Variants in NCKAP5 observed in about 807,000 individuals in gnomAD.
NCKAP5 encodes the protein NCK associated protein 5.
A neutral mutation model predicts 167.0 loss-of-function variants in NCKAP5; 92 were observed. The ratio of observed to expected loss-of-function variants is 0.55; its 90% CI spans 0.47 to 0.66. The LOEUF is 0.66. Among genes scored for constraint, NCKAP5 ranks in the 30% least tolerant of loss-of-function variants. NCKAP5 has a pLI of 0.00. For missense variants in NCKAP5, 2,378 were observed against 2,315.0 expected (o/e 1.03, Z -0.56); for synonymous variants, 891 against 877.4 (o/e 1.02, Z -0.27).
chr2:133,461,550 C>A (rs897098809), intron 3 of NCKAP5, among the ~76,000 whole-genome samples: 1 of 152,136 alleles, frequency 6.6e-6, no homozygotes, highest in African/African-American at 2.4e-5. Context: ...ACTCAGAGTT[C>A]CAAGTCCCAA....
At chr2:132,925,728 T>C (rs1034013674) in intron 8 of NCKAP5, among the ~76,000 whole-genome samples, 1 of 151,662 alleles carries the variant, frequency 6.6e-6, no homozygotes, top group African/African-American at 2.4e-5. Flanking sequence ...GGCCTGGGGG[T>C]TGGGGACCCC....
chr2:133,615,278 G>A, the NCKAP5 span, among the ~76,000 whole-genome samples: 1 of 151,428 alleles, frequency 6.6e-6, no homozygotes, highest in African/African-American at 2.4e-5. Context: ...CATAATGACA[G>A]GATCAAATTC....
chr2:132,920,707 ATG>A lies in NCKAP5; in HGVS notation c.580-41793_580-41792del, dbSNP rs1558942588. 2.8e-4 allele frequency among the ~76,000 whole-genome samples: 29 copies of A among 102,630 alleles called. 2 individuals are homozygous for A. Among genetic ancestry groups the A allele is most frequent in the African/African-American group, 1.2e-3 (28 of 22,896 alleles). 67.3% of individuals were successfully genotyped at this position (102,630 alleles called of 152,430 possible). On this transcript the variant is annotated intron_variant, in intron 8 of 19. Coordinates refer to ENST00000409261, the MANE Select transcript of NCKAP5 (RefSeq NM_207363.3). ...TTAGTTTATATATATATATACGTAT[ATG>A]TATATATATGTATATATATATATGT...
At chr2:132,851,615 C>G (rs545361975) in intron 11 of NCKAP5, among the ~76,000 whole-genome samples, 192 of 152,282 alleles carry the variant, frequency 1.3e-3, no homozygotes, top group African/African-American at 4.5e-3. Flanking sequence ...TCTGGTTTTG[C>G]TAAGAGACCC....
At chr2:132,916,819 T>G (rs1343264144) in intron 8 of NCKAP5, among the ~76,000 whole-genome samples, 4 of 152,152 alleles carry the variant, frequency 2.6e-5, no homozygotes, top group African/African-American at 9.6e-5. Context: ...TGTATCTTAT[T>G]TCATCTCTTT....
chr2:133,175,531 A>AT (rs998315011), intron 5 of NCKAP5, among the ~76,000 whole-genome samples: 18 of 151,406 alleles, frequency 1.2e-4, no homozygotes, highest in African/African-American at 3.2e-4. Context: ...GAAGTAACAG[A>AT]TTTTTTTTTG....
At chr2:133,486,877 G>A (rs891272837) in intron 3 of NCKAP5, among the ~76,000 whole-genome samples, 2 of 152,102 alleles carry the variant, frequency 1.3e-5, no homozygotes, top group African/African-American at 4.8e-5. Context: ...CTGTAATTCA[G>A]TCTTCCCACA....
At chr2:132,922,693 A>T (rs1364886279) in intron 8 of NCKAP5, among the ~76,000 whole-genome samples, 1 of 152,212 alleles carries the variant, frequency 6.6e-6, no homozygotes. Context: ...GGCCCCCATG[A>T]AGTGCATATT....
chr2:133,626,138 T>C, the NCKAP5 span, among the ~76,000 whole-genome samples: 1 of 152,170 alleles, frequency 6.6e-6, no homozygotes, highest in Non-Finnish European at 1.5e-5. Context: ...TTGGAAAGGA[T>C]AGAATTAGAA....
rs1683491674 is a variant in NCKAP5 at position 132,785,503 on chromosome 2, T to C, written c.1308A>G (p.Ile436Met). 1 of 1,612,476 alleles carries C rather than the reference T, an allele frequency of 6.2e-7. No individual in the cohort carries two copies. The highest frequency in any genetic ancestry group is 8.5e-7 in the Non-Finnish European group (1 of 1,179,174). Residue 436 changes from isoleucine (I) to methionine (M), a missense_variant, in exon 14 of 20, where the codon ATA becomes ATG. Around this residue, in one of 3 missense-constraint regions of NCKAP5, gnomAD observed 1,049 missense variants for 1,023.4 expected, o/e 1.02. Transcript: ENST00000409261. ...TGCTACTTTTAATTCCAGGAGAATA[T>C]ATTCCTTCATTCGAGTTCATGCAAT... The part of the protein sequence containing the change: ...YKDCMNSNEG[I>M]YSPGIKSSSL...
chr2:132,704,603 C>T (rs1355652227), intron 19 of NCKAP5, among the ~76,000 whole-genome samples: 1 of 152,214 alleles, frequency 6.6e-6, no homozygotes, highest in Non-Finnish European at 1.5e-5. Flanking sequence ...AATACTTAAA[C>T]TCAACAGTCC....
At chr2:133,230,055 T>C (rs1255369104) in intron 4 of NCKAP5, among the ~76,000 whole-genome samples, 1 of 152,172 alleles carries the variant, frequency 6.6e-6, no homozygotes, top group Non-Finnish European at 1.5e-5. Flanking sequence ...CTCACTTGTT[T>C]TGAGCAATAA....
chr2:132,789,948 GCC>G, intron 13 of NCKAP5, 73 bp downstream of exon 13: 1 of 1,430,368 alleles, frequency 7.0e-7, no homozygotes, highest in Non-Finnish European at 9.4e-7. Context: ...CCTCCCACCT[GCC>G]CTTCATCTCC....
At chr2:133,442,340 C>T (rs1057452240) in intron 3 of NCKAP5, among the ~76,000 whole-genome samples, 2 of 152,148 alleles carry the variant, frequency 1.3e-5, no homozygotes, top group Non-Finnish European at 1.5e-5. Flanking sequence ...GAGGGACTTG[C>T]CCCACTCCTC....
chr2:133,306,287 G>T (rs896147295), intron 3 of NCKAP5, among the ~76,000 whole-genome samples: 1 of 152,206 alleles, frequency 6.6e-6, no homozygotes, highest in Non-Finnish European at 1.5e-5. Flanking sequence ...CAGCATGCCT[G>T]CAAAGGCGAA....
chr2:132,794,584 C>T lies in NCKAP5; in HGVS notation c.909+2044G>A, dbSNP rs370673619. 6.6e-5 allele frequency among the ~76,000 whole-genome samples: 10 copies of T among 150,616 alleles called. No homozygotes were observed. In the East Asian group the frequency reaches 7.9e-4, roughly 12 times the overall value. On this transcript the variant is annotated intron_variant, in intron 12 of 19. Coordinates refer to ENST00000409261, the MANE Select transcript of NCKAP5 (RefSeq NM_207363.3). ...CAGGGAGGTGGAGGTTGCAGTGAGC[C>T]GAGATCATGCCACTGTACTCCAGCC...
intron 3 of NCKAP5, among the ~76,000 whole-genome samples, chr2:133,513,558 A>G (rs184759992): frequency 6.6e-6 from 1 of 152,352 alleles, no homozygotes; most frequent in East Asian, 1.9e-4. Context: ...CTGGTTTTCA[A>G]TAGTGCTTGT....
chr2:133,478,647 A>G (rs1320994430), intron 3 of NCKAP5, among the ~76,000 whole-genome samples: 6 of 152,136 alleles, frequency 3.9e-5, no homozygotes, highest in Admixed American at 1.3e-4. Flanking sequence ...TAACAGAAAA[A>G]CTAGCCAAGA....
the NCKAP5 span, among the ~76,000 whole-genome samples, chr2:133,628,111 C>G: frequency 6.6e-6 from 1 of 152,152 alleles, no homozygotes; most frequent in Non-Finnish European, 1.5e-5. Context: ...CTCAACACTC[C>G]TATTCAACAT....
Sources: allele counts gnomAD v4.1 joint callset (sites outside exome capture counted in the v4.1 genomes callset), GRCh38; gene constraint gnomAD v4.1.1; regional missense constraint gnomAD v4.1.1; transcripts MANE v1.5; gene names NCBI Gene and HGNC (gene_info 2026-07-23, HGNC 2026-07-21).